IMMP2L: variants seen among roughly 807,000 people sequenced by gnomAD.
IMMP2L encodes inner mitochondrial membrane peptidase subunit 2.
Under a neutral mutation model 19.3 loss-of-function variants are expected in IMMP2L, and 18 were observed. The ratio of observed to expected loss-of-function variants is 0.93; its 90% CI spans 0.64 to 1.38. The LOEUF is 1.38. IMMP2L is among the 40% of genes most tolerant of loss of function. The pLI, the probability that IMMP2L is intolerant of heterozygous loss-of-function variation, is 0.00. For missense variants in IMMP2L, 233 were observed against 218.2 expected, an observed-to-expected ratio of 1.07 and a Z score of -0.43; for synonymous variants, 76 against 73.0, an observed-to-expected ratio of 1.04 and a Z score of -0.21.
intron 5 of IMMP2L, among the ~76,000 whole-genome samples, chr7:110,768,879 C>T (rs770539948): frequency 4.6e-5 from 7 of 152,188 alleles, no homozygotes; most frequent in East Asian, 1.9e-4. Context: ...AGCTCAGAGC[C>T]CTGATGTTTA....
At chr7:110,735,846 C>CAAAAAA (rs59078426) in intron 5 of IMMP2L, among the ~76,000 whole-genome samples, 98 of 47,528 alleles carry the variant, frequency 2.1e-3, no homozygotes, top group East Asian at 8.0e-3. Context: ...CACTCTGCCT[C>CAAAAAA]AAAAAAAAAA....
rs1307792812 is a variant in IMMP2L, at chr7:111,473,957, G to A, written c.239+13281C>T. On this transcript the variant is annotated intron_variant, in intron 3 of 5. Transcript: ENST00000405709. ...ACAGTGGACTGAATAAAGAAAGTGT[G>A]GTACAAATACACCATGGAGTACTAC... Among the ~76,000 whole-genome samples the A allele has an allele frequency of 2.0e-5, 3 of 152,004 alleles. No homozygotes were observed. The East Asian group carries it at 5.8e-4, about 29-fold the overall frequency.
intron 5 of IMMP2L, among the ~76,000 whole-genome samples, chr7:110,883,326 T>G (rs1006366397): frequency 2.6e-5 from 4 of 152,202 alleles, no homozygotes; most frequent in African/African-American, 9.6e-5. Context: ...TAATAAATAA[T>G]AGTTCTAATG....
At chr7:110,992,247 G>T (rs943260362) in intron 3 of IMMP2L, among the ~76,000 whole-genome samples, 1 of 151,896 alleles carries the variant, frequency 6.6e-6, no homozygotes. Flanking sequence ...ATTAGAAATT[G>T]CAATAGCTAC....
At chr7:111,259,654 CAATAATAAT>C (rs3052105) in intron 3 of IMMP2L, among the ~76,000 whole-genome samples, 1 of 150,310 alleles carries the variant, frequency 6.7e-6, no homozygotes, top group Non-Finnish European at 1.5e-5. Context: ...AATTTTAAAA[CAATAATAAT>C]AATAATAATA....
rs1198548621 is a variant in IMMP2L, at chr7:111,079,219, G to A, written c.240-115654C>T. 2.7e-5 allele frequency among the ~76,000 whole-genome samples: 4 copies of A among 148,586 alleles called. No homozygotes were observed. In the East Asian group the frequency reaches 8.0e-4, roughly 30 times the overall value. On this transcript the variant is annotated intron_variant, in intron 3 of 5. Transcript: ENST00000405709. ...TGCAAGCTCCGCCTCCCGGGTTCACGCCATTCTCCTGCCTCAGCCTCCCAA... is the reference window on the plus strand; with the variant it reads ...TGCAAGCTCCGCCTCCCGGGTTCACACCATTCTCCTGCCTCAGCCTCCCAA...
intron 5 of IMMP2L, among the ~76,000 whole-genome samples, chr7:110,790,528 C>T (rs1800392697): frequency 6.6e-6 from 1 of 151,506 alleles, no homozygotes. Flanking sequence ...GACAGAGGTA[C>T]CTAAGGTGGT....
At chr7:111,048,678 C>T (rs1443175400) in intron 3 of IMMP2L, among the ~76,000 whole-genome samples, 1 of 152,070 alleles carries the variant, frequency 6.6e-6, no homozygotes, top group East Asian at 1.9e-4. Flanking sequence ...CTAGGTACAT[C>T]GTCAAGAGGT....
chr7:111,383,528 G>A (rs544704101), intron 3 of IMMP2L, among the ~76,000 whole-genome samples: 2 of 152,108 alleles, frequency 1.3e-5, no homozygotes, highest in Non-Finnish European at 2.9e-5. Context: ...ACAAAACCAA[G>A]ACTCATGGTT....
In IMMP2L at chr7:110,812,412, G is replaced by C. The variant is rs1455598090; in HGVS notation, c.408+74181C>G. Among the ~76,000 whole-genome samples, 3 of 152,106 alleles carry C rather than the reference G, an allele frequency of 2.0e-5. No individual in the cohort carries two copies. In the South Asian group the frequency reaches 6.2e-4, roughly 32 times the overall value. ...GTTAGAAGGAGCCAGTGATAAAGGG[G>C]GAGAAAGTCCTATGGAAGTGGTGGG... On this transcript the variant is annotated intron_variant, in intron 5 of 5. Coordinates refer to ENST00000405709, the MANE Select transcript of IMMP2L (RefSeq NM_032549.4).
chr7:111,491,611 G>C (rs941176212), intron 2 of IMMP2L, among the ~76,000 whole-genome samples: 1 of 152,152 alleles, frequency 6.6e-6, no homozygotes, highest in African/African-American at 2.4e-5. Context: ...ACTGAGCCAT[G>C]GTGCTGAGGA....
chr7:111,055,567 G>C (rs1347955224), intron 3 of IMMP2L, among the ~76,000 whole-genome samples: 1 of 152,146 alleles, frequency 6.6e-6, no homozygotes, highest in Non-Finnish European at 1.5e-5. Flanking sequence ...CTGGGTGCTG[G>C]TTTCTAATTT....
rs544208433 is a variant in IMMP2L at position 111,111,655 on chromosome 7, A to T, written c.240-148090T>A. Among the ~76,000 whole-genome samples the T allele has an allele frequency of 4.6e-5, 7 of 152,114 alleles. No individual in the cohort carries two copies. The East Asian group carries it at 1.4e-3, about 29-fold the overall frequency. On this transcript the variant is annotated intron_variant, in intron 3 of 5. Coordinates refer to ENST00000405709, the MANE Select transcript of IMMP2L (RefSeq NM_032549.4). Reference sequence around the variant, plus strand: ...GAACAGAAATAATGTGAATCAACTAATGTCCCCCCCTGCGTCAATAGTAAT... The same window carrying T: ...GAACAGAAATAATGTGAATCAACTATTGTCCCCCCCTGCGTCAATAGTAAT...
chr7:110,777,536 T>G (rs1799472410), intron 5 of IMMP2L, among the ~76,000 whole-genome samples: 1 of 151,966 alleles, frequency 6.6e-6, no homozygotes, highest in African/African-American at 2.4e-5. Flanking sequence ...ATATGAATAT[T>G]CTATACCAAA....
intron 3 of IMMP2L, among the ~76,000 whole-genome samples, chr7:111,155,737 T>C (rs919575939): frequency 6.6e-6 from 1 of 152,092 alleles, no homozygotes. Context: ...ATATATACTT[T>C]TAAAAACTTT....
intron 4 of IMMP2L, among the ~76,000 whole-genome samples, chr7:110,901,681 A>G (rs1811877397): frequency 6.6e-6 from 1 of 152,214 alleles, no homozygotes; most frequent in South Asian, 2.1e-4. Context: ...CAATCTGGAT[A>G]CAGATATTGC....
At chr7:111,264,621 A>T (rs895388196) in intron 3 of IMMP2L, among the ~76,000 whole-genome samples, 1 of 151,790 alleles carries the variant, frequency 6.6e-6, no homozygotes, top group African/African-American at 2.4e-5. Context: ...AGAGAAGACC[A>T]GGCACTGACT....
chr7:110,999,932 TGA>T (rs1291318245), intron 3 of IMMP2L, among the ~76,000 whole-genome samples: 5 of 152,108 alleles, frequency 3.3e-5, no homozygotes, highest in Non-Finnish European at 7.3e-5. Context: ...CAAGTTAAGA[TGA>T]GAGAGTGAGA....
Position 111,088,783 on chromosome 7 carries a change from A to G in IMMP2L, c.240-125218T>C, listed in dbSNP as rs115386299. ...AATTTTTTCATGTATCTTTGGAGAG[A>G]GCCACATTTCATATTTACAGTTAAG... On this transcript the variant is annotated intron_variant, in intron 3 of 5. Transcript: ENST00000405709. Among the ~76,000 whole-genome samples the G allele has an allele frequency of 5.6e-3, 857 of 152,270 alleles. 14 individuals carry two copies. Among genetic ancestry groups the G allele is most frequent in the African/African-American group, 0.02 (823 of 41,554 alleles).
Sources: allele counts gnomAD v4.1 joint callset (sites outside exome capture counted in the v4.1 genomes callset), GRCh38; gene constraint gnomAD v4.1.1; transcripts MANE v1.5; gene names NCBI Gene and HGNC (gene_info 2026-07-23, HGNC 2026-07-21).